Variants in ARHGEF3 observed in about 807,000 individuals in gnomAD.
ARHGEF3 encodes the protein Rho guanine nucleotide exchange factor 3, also known as 59.8 kDA protein.
ARHGEF3 carries 28 observed loss-of-function variants against 63.2 expected under a neutral mutation model. The observed-to-expected ratio is 0.44, with a 90% CI of 0.33 to 0.61. The LOEUF (loss-of-function observed/expected upper bound fraction) is 0.61. Ranked by LOEUF, ARHGEF3 falls within the 20% of genes least tolerant of loss-of-function variation. ARHGEF3 has a pLI of 0.03. For missense variants in ARHGEF3, 533 were observed against 659.3 expected, an observed-to-expected ratio of 0.81 and a Z score of 2.10; for synonymous variants, 266 against 254.2, an observed-to-expected ratio of 1.05 and a Z score of -0.44.
intron 3 of ARHGEF3, among the ~76,000 whole-genome samples, chr3:56,914,694 C>A (rs2108347784): frequency 6.6e-6 from 1 of 152,246 alleles, no homozygotes; most frequent in South Asian, 2.1e-4. Flanking sequence ...ACACACGTTA[C>A]AACTTGAATG....
chr3:56,877,926 TG>T (rs1387125530), intron 4 of ARHGEF3, among the ~76,000 whole-genome samples: 7 of 152,040 alleles, frequency 4.6e-5, no homozygotes, highest in South Asian at 2.1e-4. Flanking sequence ...TATTTCATAA[TG>T]AAAAAAAATT....
chr3:56,856,661 A>T (rs2039893129), intron 4 of ARHGEF3, among the ~76,000 whole-genome samples: 1 of 143,848 alleles, frequency 7.0e-6, no homozygotes. Flanking sequence ...TTGTTTTAGA[A>T]TTTTCCTAAA....
chr3:56,992,407 A>AAAAAAAAAAAAAAAAAAAC (rs1553799653), intron 2 of ARHGEF3, among the ~76,000 whole-genome samples: 1 of 116,178 alleles, frequency 8.6e-6, no homozygotes, highest in Non-Finnish European at 2.0e-5. Context: ...AAAAAAAAAA[A>AAAAAAAAAAAAAAAAAAAC]AAAAAAACAG....
At chr3:57,021,526 G>A (rs1014277252) in intron 2 of ARHGEF3, among the ~76,000 whole-genome samples, 2 of 152,142 alleles carry the variant, frequency 1.3e-5, no homozygotes, top group South Asian at 2.1e-4. Flanking sequence ...GGGAGGCCGA[G>A]GCAGGCAGAT....
At chr3:56,739,704 GATT>G (rs1461434140) in intron 7 of ARHGEF3, among the ~76,000 whole-genome samples, 2 of 151,942 alleles carry the variant, frequency 1.3e-5, no homozygotes, top group African/African-American at 4.8e-5. Flanking sequence ...CTGGCCAAGT[GATT>G]ATTTTTTCAT....
At chr3:56,998,623 C>A (rs1361444429) in intron 2 of ARHGEF3, among the ~76,000 whole-genome samples, 1 of 152,176 alleles carries the variant, frequency 6.6e-6, no homozygotes, top group Non-Finnish European at 1.5e-5. Flanking sequence ...TCACAGACCA[C>A]TCCTCAAACT....
chr3:56,902,620 G>C (rs1440574890), intron 3 of ARHGEF3, among the ~76,000 whole-genome samples: 1 of 152,172 alleles, frequency 6.6e-6, no homozygotes, highest in African/African-American at 2.4e-5. Context: ...ACTGAGTTTC[G>C]AGATGACTAT....
At chr3:57,014,139 C>T (rs1702849072) in intron 2 of ARHGEF3, among the ~76,000 whole-genome samples, 1 of 152,154 alleles carries the variant, frequency 6.6e-6, no homozygotes, top group Non-Finnish European at 1.5e-5. Flanking sequence ...CTGTAACACT[C>T]AGCGGGAAGG....
intron 4 of ARHGEF3, among the ~76,000 whole-genome samples, chr3:56,832,695 G>A (rs1427197000): frequency 6.6e-6 from 1 of 152,100 alleles, no homozygotes. Flanking sequence ...TCACAATGCT[G>A]TACAGCCATC....
chr3:56,888,900 T>A (rs2041017022), intron 3 of ARHGEF3, among the ~76,000 whole-genome samples: 1 of 139,836 alleles, frequency 7.2e-6, no homozygotes, highest in Admixed American at 7.0e-5. Flanking sequence ...CGAAACTCCA[T>A]CTCAAAAAAA....
intron 3 of ARHGEF3, among the ~76,000 whole-genome samples, chr3:56,919,130 T>A (rs764407511): frequency 5.2e-4 from 79 of 152,330 alleles, no homozygotes; most frequent in Non-Finnish European, 1.1e-3. Context: ...CTTTTCGGGT[T>A]CCTAAGGGGT....
At position 56,801,727 on chromosome 3, in the gene ARHGEF3, G is replaced by A. The variant is rs1578554298; in HGVS notation, c.72C>T (p.Ala24=). ...CCTCAGCGTCCTTGGCCGGACCGCT[G>A]GCCGGGGGTAGCTCCAGGCTGCAGT... ...RANCSLELPP[A]SGPAKDAEEP... is the part of the protein sequence containing the mutation. Residue 24 remains alanine, a synonymous_variant, in exon 1 of 10, where the codon GCC becomes GCT. Transcript: ENST00000296315. 6.4e-7 allele frequency: 1 copy of A among 1,565,478 alleles called. No individual in the cohort carries two copies. Among genetic ancestry groups the A allele is most frequent in the Non-Finnish European group, 8.7e-7 (1 of 1,153,732 alleles).
chr3:56,822,802 C>T lies in ARHGEF3; in HGVS notation c.193-48986G>A, dbSNP rs185909975. Among the ~76,000 whole-genome samples the T allele has an allele frequency of 8.5e-3, 1,238 of 145,234 alleles. 8 individuals are homozygous for T. Among genetic ancestry groups the T allele is most frequent in the Non-Finnish European group, 0.013 (854 of 67,220 alleles). ...CTGGAAGGTGGCGGTTGCAGTGAGC[C>T]GAGGTCATGCCACTGCACTCCAGCC... On this transcript the variant is annotated intron_variant, in intron 4 of 12. Transcript: ENST00000338458.
At chr3:57,069,018 T>C (rs1292084562) in intron 1 of ARHGEF3, among the ~76,000 whole-genome samples, 3 of 151,506 alleles carry the variant, frequency 2.0e-5, no homozygotes, top group Admixed American at 6.6e-5. Flanking sequence ...GCCTCCCAGG[T>C]TCAAGCAATT....
At chr3:56,735,881 G>A (rs1177743672) in intron 8 of ARHGEF3, among the ~76,000 whole-genome samples, 8 of 152,108 alleles carry the variant, frequency 5.3e-5, no homozygotes, top group Admixed American at 2.0e-4. Flanking sequence ...ATATTTCCAT[G>A]GCTGCTCAGT....
chr3:56,937,802 A>C (rs1698974230), intron 3 of ARHGEF3, among the ~76,000 whole-genome samples: 1 of 152,224 alleles, frequency 6.6e-6, no homozygotes, highest in South Asian at 2.1e-4. Flanking sequence ...CACTCATCTA[A>C]CTTGTGCTGA....
At chr3:56,800,943 A>G (rs571944996) in intron 1 of ARHGEF3, among the ~76,000 whole-genome samples, 2 of 152,362 alleles carry the variant, frequency 1.3e-5, no homozygotes, top group African/African-American at 4.8e-5. Context: ...GCTATGTGCC[A>G]GAGAAATAAC....
chr3:56,888,907 AAAAAAC>A lies in ARHGEF3; in HGVS notation c.130-6559_130-6554del, dbSNP rs140687109. On this transcript the variant is annotated intron_variant, in intron 3 of 12. Transcript: ENST00000338458. ...AATAAGAACGAAACTCCATCTCAAAAAAAAACAAAAACAAAAACAAAAAACAAAAAT... is the reference window on the plus strand; with the variant it reads ...AATAAGAACGAAACTCCATCTCAAAAAAAAACAAAAACAAAAAACAAAAAT... 5.9e-3 allele frequency among the ~76,000 whole-genome samples: 892 copies of A among 151,368 alleles called. 8 individuals carry two copies. Among genetic ancestry groups the A allele is most frequent in the Middle Eastern group, 0.021 (6 of 292 alleles).
At chr3:56,924,085 A>T (rs763638753) in intron 3 of ARHGEF3, among the ~76,000 whole-genome samples, 1 of 152,238 alleles carries the variant, frequency 6.6e-6, no homozygotes, top group African/African-American at 2.4e-5. Context: ...AATAAGCCCC[A>T]CGTGGCTGTA....
Sources: allele counts gnomAD v4.1 joint callset (sites outside exome capture counted in the v4.1 genomes callset), GRCh38; gene constraint gnomAD v4.1.1; transcripts MANE v1.5; gene names NCBI Gene and HGNC (gene_info 2026-07-23, HGNC 2026-07-21).